Variants in RTTN observed in about 807,000 individuals in gnomAD.
RTTN encodes the protein rotatin.
RTTN carries 182 observed loss-of-function variants against 269.2 expected under a neutral mutation model. The observed-to-expected ratio is 0.68, with a 90% confidence interval of 0.60 to 0.76. The LOEUF is 0.76. RTTN is among the 30% of genes least tolerant of loss of function. The pLI is 0.00. For synonymous variants in RTTN, 1,006 were observed against 963.5 expected, an observed-to-expected ratio of 1.04 and a Z score of -0.82; for missense variants, 2,545 against 2,608.6, an observed-to-expected ratio of 0.98 and a Z score of 0.53.
In RTTN at chr18:70,109,551, G is replaced by A. The variant is rs377399910; in HGVS notation, c.3850C>T (p.Pro1284Ser). The A allele has an allele frequency of 2.3e-5, 37 of 1,614,092 alleles. No homozygotes were observed. Among genetic ancestry groups the A allele is most frequent in the African/African-American group, 2.0e-4 (15 of 75,004 alleles). Residue 1284 changes from proline (P) to serine (S), a missense_variant, in exon 28 of 49, where the codon CCT becomes TCT. Pro to Ser is a moderately conservative substitution (Grantham distance 74, BLOSUM62 -1). Coordinates refer to ENST00000640769, the MANE Select transcript of RTTN (RefSeq NM_173630.4). Reference sequence around the variant, plus strand: ...CAGATATCTAGAGGCTTTGTGAGAGGAGAGTGTGAGCTCCATCCCGGAAAC... The same window carrying A: ...CAGATATCTAGAGGCTTTGTGAGAGAAGAGTGTGAGCTCCATCCCGGAAAC... Reference protein sequence around the residue: ...TAFPGWSSHSPLTKPLDICVK... With the variant: ...TAFPGWSSHSSLTKPLDICVK...
At chr18:70,172,499 A>G (rs2061168614) in intron 11 of RTTN, among the ~76,000 whole-genome samples, 1 of 152,196 alleles carries the variant, frequency 6.6e-6, no homozygotes, top group African/African-American at 2.4e-5. Flanking sequence ...TTTTGTTTAG[A>G]TCTCATTTTA....
At chr18:70,052,225 C>T (rs909204226) in intron 38 of RTTN, among the ~76,000 whole-genome samples, 4 of 152,150 alleles carry the variant, frequency 2.6e-5, no homozygotes, top group African/African-American at 9.7e-5. Context: ...TCTAATTCCA[C>T]TATAATGTAA....
At chr18:70,115,077 GA>G (rs1229535750) in intron 26 of RTTN, among the ~76,000 whole-genome samples, 1 of 151,982 alleles carries the variant, frequency 6.6e-6, no homozygotes. Flanking sequence ...CTAACTCCTG[GA>G]TAATCAATGA....
intron 17 of RTTN, among the ~76,000 whole-genome samples, chr18:70,147,013 T>G (rs1236480647): frequency 1.3e-5 from 2 of 152,236 alleles, no homozygotes; most frequent in Non-Finnish European, 2.9e-5. Context: ...TATTCACATC[T>G]GGGGTTGTCA....
intron 28 of RTTN, among the ~76,000 whole-genome samples, chr18:70,096,929 T>G (rs1022499442): frequency 2.6e-5 from 4 of 152,206 alleles, no homozygotes; most frequent in South Asian, 2.1e-4. Context: ...AAATTTAAAA[T>G]TTTAAGTGAC....
rs557235050 is a variant in RTTN, at chr18:70,154,886, C to T, written c.1930-4153G>A. On this transcript the variant is annotated intron_variant, in intron 14 of 48. Coordinates refer to ENST00000640769, the MANE Select transcript of RTTN (RefSeq NM_173630.4). ...AAGATTATAGACACAATTGACTAAG[C>T]TCTTCATGCAGCCCAAAAATGCTAC... Among the ~76,000 whole-genome samples, 5 of 152,282 alleles carry T rather than the reference C, an allele frequency of 3.3e-5. No homozygotes were observed. The South Asian group carries it at 1.0e-3, about 32-fold the overall frequency.
At chr18:70,072,669 C>CA (rs548698259) in intron 34 of RTTN, among the ~76,000 whole-genome samples, 4 of 152,032 alleles carry the variant, frequency 2.6e-5, no homozygotes, top group African/African-American at 7.2e-5. Context: ...CTACTAAAAG[C>CA]AAAAAAACTG....
chr18:70,145,280 T>C (rs1428002040), intron 18 of RTTN, among the ~76,000 whole-genome samples: 2 of 152,232 alleles, frequency 1.3e-5, no homozygotes, highest in African/African-American at 4.8e-5. Flanking sequence ...TGTACAATTA[T>C]TTCATTATAT....
chr18:70,142,398 A>T lies in RTTN; in HGVS notation c.2482-11T>A. On this transcript the variant is annotated splice_polypyrimidine_tract_variant and intron_variant, in intron 18 of 48. Coordinates refer to ENST00000640769, the MANE Select transcript of RTTN (RefSeq NM_173630.4). Reference sequence around the variant, plus strand: ...TTCAACAGTCTCCAACTACAAACCAAAAAAAAAAAAAAACCAAAATTACAT... The same window carrying T: ...TTCAACAGTCTCCAACTACAAACCATAAAAAAAAAAAAACCAAAATTACAT... 9.1e-7 allele frequency: 1 copy of T among 1,097,050 alleles called. No homozygotes were observed. The highest frequency in any genetic ancestry group is 1.5e-5 in the South Asian group (1 of 64,722). 68.0% of individuals were successfully genotyped at this position (1,097,050 alleles called of 1,614,324 possible).
intron 7 of RTTN, among the ~76,000 whole-genome samples, chr18:70,196,079 C>G (rs2061798741): frequency 6.6e-6 from 1 of 152,194 alleles, no homozygotes; most frequent in African/African-American, 2.4e-5. Flanking sequence ...CACTTGACTA[C>G]ATTGCAAGTT....
At chr18:70,094,397 G>A (rs2058939294) in intron 28 of RTTN, among the ~76,000 whole-genome samples, 1 of 152,132 alleles carries the variant, frequency 6.6e-6, no homozygotes, top group Admixed American at 6.5e-5. Flanking sequence ...ATGTTAGGGT[G>A]TCGATTTTAG....
intron 5 of RTTN, among the ~76,000 whole-genome samples, 151 bp downstream of exon 5, chr18:70,199,259 GGCTA>G (rs1024140821): frequency 1.3e-5 from 2 of 151,854 alleles, no homozygotes; most frequent in African/African-American, 2.4e-5. Context: ...ATTTTTTTCT[GGCTA>G]GCTTTTTGAA....
intron 27 of RTTN, among the ~76,000 whole-genome samples, chr18:70,111,155 G>T (rs539976521): frequency 1.1e-4 from 17 of 152,218 alleles, no homozygotes; most frequent in Admixed American, 4.6e-4. Flanking sequence ...AAACATCCCT[G>T]CCTGACGACT....
chr18:70,064,359 A>T (rs201487030), intron 35 of RTTN, among the ~76,000 whole-genome samples: 1 of 138,990 alleles, frequency 7.2e-6, no homozygotes. Flanking sequence ...AAAAAAAAAA[A>T]GCGTTAATAC....
intron 34 of RTTN, among the ~76,000 whole-genome samples, chr18:70,069,504 C>T: frequency 6.6e-6 from 1 of 151,984 alleles, no homozygotes; most frequent in East Asian, 1.9e-4. Context: ...TAAGAAAGTC[C>T]CTTTGAAATC....
At chr18:70,068,765 T>C in intron 34 of RTTN, among the ~76,000 whole-genome samples, 1 of 152,176 alleles carries the variant, frequency 6.6e-6, no homozygotes, top group East Asian at 1.9e-4. Flanking sequence ...ATTAGAATGG[T>C]CTAAGTGCAA....
At chr18:70,155,840 G>C (rs2060660328) in intron 14 of RTTN, among the ~76,000 whole-genome samples, 1 of 152,146 alleles carries the variant, frequency 6.6e-6, no homozygotes, top group Non-Finnish European at 1.5e-5. Flanking sequence ...AATTTCTTAT[G>C]CCTGTCTTTA....
intron 38 of RTTN, among the ~76,000 whole-genome samples, chr18:70,051,946 C>T (rs1425501135): frequency 6.6e-6 from 1 of 152,176 alleles, no homozygotes; most frequent in African/African-American, 2.4e-5. Context: ...TCCCCTCCAG[C>T]AGCTTTGGGC....
intron 43 of RTTN, among the ~76,000 whole-genome samples, chr18:70,026,174 G>A (rs115366488): frequency 2.1e-3 from 322 of 152,154 alleles, no homozygotes; most frequent in African/African-American, 7.4e-3. Flanking sequence ...CTACTTTTGT[G>A]GTTGCCAACA....
Sources: gnomAD v4.1 joint callset for allele counts (sites outside exome capture counted in the v4.1 genomes callset) on GRCh38, gnomAD v4.1.1 for gene constraint, MANE v1.5 for transcripts, NCBI Gene and HGNC (gene_info 2026-07-23, HGNC 2026-07-21) for gene names.